HMGCLL1: variants seen among roughly 807,000 people sequenced by gnomAD.
HMGCLL1 encodes 3-hydroxy-3-methylglutaryl-CoA lyase like 1.
A neutral mutation model predicts 39.1 loss-of-function variants in HMGCLL1; 36 were observed. The observed-to-expected ratio is 0.92, with a 90% CI of 0.71 to 1.22. The LOEUF (loss-of-function observed/expected upper bound fraction) is 1.22, where lower values mean the gene tolerates loss of function less well. Ranked by LOEUF, HMGCLL1 falls within the 50% of genes most tolerant of loss-of-function variation. HMGCLL1 has a pLI of 0.00. For synonymous variants in HMGCLL1, 149 were observed against 144.0 expected, an observed-to-expected ratio of 1.03 and a Z score of -0.25; for missense variants, 451 against 416.5, an observed-to-expected ratio of 1.08 and a Z score of -0.72.
intron 1 of HMGCLL1, among the ~76,000 whole-genome samples, chr6:55,565,167 G>A (rs565788778): frequency 2.6e-5 from 4 of 152,074 alleles, no homozygotes; most frequent in South Asian, 2.1e-4. Context: ...AAACATTCAC[G>A]CTTTGGTACC....
At chr6:55,475,145 G>T (rs1418083735) in intron 7 of HMGCLL1, among the ~76,000 whole-genome samples, 1 of 151,532 alleles carries the variant, frequency 6.6e-6, no homozygotes. Context: ...GCTGGAGAAT[G>T]ATGAATACCC....
chr6:55,579,411 A>C (rs1771931033), upstream of HMGCLL1, among the ~76,000 whole-genome samples: 1 of 152,146 alleles, frequency 6.6e-6, no homozygotes, highest in African/African-American at 2.4e-5. Flanking sequence ...CCTACTTCTC[A>C]CCTGGCATAG....
chr6:55,620,385 T>A, the HMGCLL1 span, among the ~76,000 whole-genome samples: 1 of 152,148 alleles, frequency 6.6e-6, no homozygotes, highest in African/African-American at 2.4e-5. Context: ...ATAGAAGCCA[T>A]TTTAACTGGG....
intron 1 of HMGCLL1, among the ~76,000 whole-genome samples, chr6:55,545,692 G>A (rs1484098594): frequency 6.6e-6 from 1 of 152,064 alleles, no homozygotes; most frequent in Non-Finnish European, 1.5e-5. Context: ...TGTTCTGGTG[G>A]GGAGATAATG....
rs201028112 is a variant in HMGCLL1, at chr6:55,435,771, C to T, written c.922-8G>A. The stretch of plus-strand genomic sequence containing the variant: ...TTTGTATAGATTCACACCCTGGTGA[C>T]GAAATGAAGGAATATCAGGAAGGCA... On this transcript the variant is annotated splice_polypyrimidine_tract_variant and splice_region_variant and intron_variant, in intron 8 of 8. Transcript: ENST00000274901. The T allele has an allele frequency of 1.5e-4, 221 of 1,478,324 alleles. No individual in the cohort carries two copies. In the African/African-American group the frequency reaches 2.5e-3, roughly 17 times the overall value. The allele number at this position is 1,478,324 out of a possible 1,614,324, so 91.6% of individuals were successfully genotyped here.
chr6:55,464,337 C>G (rs554217836), intron 7 of HMGCLL1, among the ~76,000 whole-genome samples: 1 of 152,246 alleles, frequency 6.6e-6, no homozygotes, highest in South Asian at 2.1e-4. Flanking sequence ...TGTAAAAATT[C>G]TATCCTGCAA....
At chr6:55,480,713 C>G (rs1169139490) in intron 7 of HMGCLL1, among the ~76,000 whole-genome samples, 1 of 151,572 alleles carries the variant, frequency 6.6e-6, no homozygotes, top group Non-Finnish European at 1.5e-5. Context: ...TTCACAATAG[C>G]CAAGATTTGG....
intron 7 of HMGCLL1, among the ~76,000 whole-genome samples, chr6:55,493,249 T>A (rs771971335): frequency 1.1e-4 from 16 of 152,162 alleles, no homozygotes; most frequent in Non-Finnish European, 1.8e-4. Context: ...TATAAAGAGA[T>A]ACATCCTATT....
chr6:55,580,412 T>TC (rs1771958012), upstream of HMGCLL1, among the ~76,000 whole-genome samples: 1 of 114,814 alleles, frequency 8.7e-6, no homozygotes, highest in Non-Finnish European at 1.8e-5. Flanking sequence ...CTTTCTTTTT[T>TC]TTTTTTTTTT....
chr6:55,566,505 A>T (rs1318764115), intron 1 of HMGCLL1: 3 of 407,806 alleles, frequency 7.4e-6, no homozygotes, highest in Non-Finnish European at 1.5e-5. Flanking sequence ...GGCACTTACT[A>T]TTGGTGGAAA....
chr6:55,593,423 A>G, the HMGCLL1 span, among the ~76,000 whole-genome samples: 20 of 152,134 alleles, frequency 1.3e-4, no homozygotes. Flanking sequence ...GCAAAATTAA[A>G]TTTATTTTTC....
the HMGCLL1 span, among the ~76,000 whole-genome samples, chr6:55,622,420 G>A: frequency 0.34 from 51,400 of 151,632 alleles, 9,033 homozygotes; most frequent in African/African-American, 0.42. Context: ...CATATATGGC[G>A]TTTATTATGT....
intron 8 of HMGCLL1, among the ~76,000 whole-genome samples, chr6:55,438,204 C>T (rs752685512): frequency 2.0e-4 from 31 of 152,052 alleles, no homozygotes; most frequent in South Asian, 4.2e-4. Flanking sequence ...GATTAAGATA[C>T]GATGTAAATG....
chr6:55,642,072 C>T, the HMGCLL1 span, among the ~76,000 whole-genome samples: 1 of 102,978 alleles, frequency 9.7e-6, no homozygotes, highest in African/African-American at 3.7e-5. Flanking sequence ...CCCCACCCCA[C>T]CACAGTCCCC....
At position 55,495,461 on chromosome 6, in the gene HMGCLL1, G is replaced by A; in HGVS notation, c.753C>T (p.Asp251=). The A allele has an allele frequency of 6.2e-7, 1 of 1,614,048 alleles. No homozygotes were observed. Among genetic ancestry groups the A allele is most frequent in the Non-Finnish European group, 8.5e-7 (1 of 1,179,960 alleles). Residue 251 remains aspartate, a synonymous_variant, in exon 7 of 9, where the codon GAC becomes GAT. Coordinates refer to ENST00000274901, the MANE Select transcript of HMGCLL1 (RefSeq NM_001042406.2). ...PPGALAVHCH[D]TYGQALANIL... ...TATTTGCTAAGGCTTGTCCGTATGT[G>A]TCATGACAGTGAACAGCAAGAGCAC... is the stretch of plus-strand genomic sequence containing the variant.
intron 3 of HMGCLL1, among the ~76,000 whole-genome samples, chr6:55,529,746 C>T (rs560754874): frequency 2.6e-4 from 39 of 152,034 alleles, no homozygotes; most frequent in African/African-American, 8.9e-4. Context: ...TTATTTTTTT[C>T]CAATTATCTA....
the HMGCLL1 span, among the ~76,000 whole-genome samples, chr6:55,616,306 G>A: frequency 2.0e-5 from 3 of 152,000 alleles, no homozygotes; most frequent in African/African-American, 7.2e-5. Context: ...GAATCCTAAG[G>A]CCATCATGTA....
At chr6:55,671,975 T>A in the HMGCLL1 span, among the ~76,000 whole-genome samples, 1 of 151,706 alleles carries the variant, frequency 6.6e-6, no homozygotes, top group African/African-American at 2.4e-5. Context: ...TGGATATGTA[T>A]TTGTGTGTTC....
chr6:55,500,488 C>T (rs1766820485), intron 5 of HMGCLL1, among the ~76,000 whole-genome samples: 2 of 151,710 alleles, frequency 1.3e-5, no homozygotes, highest in South Asian at 4.2e-4. Context: ...CAGTACATAG[C>T]TATTGATTCT....
Sources: gnomAD v4.1 joint callset for allele counts (sites outside exome capture counted in the v4.1 genomes callset) on GRCh38, gnomAD v4.1.1 for gene constraint, MANE v1.5 for transcripts, NCBI Gene and HGNC (gene_info 2026-07-23, HGNC 2026-07-21) for gene names.